CEP295NL: variants seen among roughly 807,000 people sequenced by gnomAD.
CEP295NL encodes the protein CEP295 N-terminal like.
In CEP295NL, 3 loss-of-function variants were observed where a neutral mutation model predicts 4.6. That is an observed-to-expected ratio of 0.65 (90% CI 0.30 to 1.69). The LOEUF is 1.69. Among genes scored for constraint, CEP295NL ranks in the 40% most tolerant of loss-of-function variants. The probability of loss-of-function intolerance (pLI) is 0.10; values close to 1 mark genes in which losing one functional copy is unlikely to be tolerated. For synonymous variants in CEP295NL, 295 were observed against 312.2 expected, an observed-to-expected ratio of 0.94 and a Z score of 0.58; for missense variants, 719 against 769.0, an observed-to-expected ratio of 0.93 and a Z score of 0.77.
At chr17:78,893,718 A>C (rs537389430) in intron 2 of CEP295NL, among the ~76,000 whole-genome samples, 17 of 152,118 alleles carry the variant, frequency 1.1e-4, no homozygotes, top group African/African-American at 3.9e-4. Context: ...ACCAGAGAGG[A>C]GGAGAAGCTG....
At chr17:78,892,599 C>T in intron 2 of CEP295NL, 140 bp from the exon 3 acceptor site, 1 of 1,287,834 alleles carries the variant, frequency 7.8e-7, no homozygotes, top group Non-Finnish European at 1.0e-6. Context: ...GACCCGTGCC[C>T]ACCAGGGCCC....
chr17:78,891,603 G>C lies in CEP295NL; in HGVS notation c.901C>G (p.Leu301Val), dbSNP rs2069895872. The change falls in exon 3 of 3, where the codon CTG (leucine) becomes GTG (valine). Residue 301 changes from leucine to valine, a missense_variant. Physicochemically the swap from Leu to Val is conservative, Grantham distance 32. Transcript: ENST00000322630. This position sits in a 1 kb window ranked among gnomAD's most constrained non-coding sequence, Gnocchi z 4.5. ...CCGAGGTCTCTCAGCTTCCCCTCCA[G>C]ACTCTGTCCCTGAGAGCGACTGGTC... ...ALTSRSQGQS[L>V]EGKLRDLGQL... 1 of 1,550,900 alleles carries C rather than the reference G, an allele frequency of 6.4e-7. No individual in the cohort carries two copies. Among genetic ancestry groups the C allele is most frequent in the Admixed American group, 2.0e-5 (1 of 51,008 alleles).
At chr17:78,897,024 T>C in intron 2 of CEP295NL, 2 of 985,122 alleles carry the variant, frequency 2.0e-6, no homozygotes, top group South Asian at 9.4e-5. Flanking sequence ...AGACAGCTTT[T>C]CAGCCAAGGC....
chr17:78,893,574 T>C (rs1037355509), intron 2 of CEP295NL, among the ~76,000 whole-genome samples: 1 of 151,576 alleles, frequency 6.6e-6, no homozygotes, highest in Admixed American at 6.6e-5. Flanking sequence ...TACAGGGGGG[T>C]GTACAGGTGT....
Position 78,896,316 on chromosome 17 carries a change from A to C in CEP295NL, c.45-3857T>G, listed in dbSNP as rs2069998999. ...GGAGAAACAGCCGTTCACCTGTTGC[A>C]CAGCCTGCTGGGATGCCTGCCTCTG... On this transcript the variant is annotated intron_variant, in intron 2 of 2. Transcript: ENST00000322630. The surrounding 1 kb of genome is among the most constrained non-coding windows in gnomAD (Gnocchi z 4.4). 6.6e-6 allele frequency among the ~76,000 whole-genome samples: 1 copy of C among 152,198 alleles called. No homozygotes were observed. Among genetic ancestry groups the C allele is most frequent in the African/African-American group, 2.4e-5 (1 of 41,450 alleles).
Position 78,894,193 on chromosome 17 carries a change from AC to A in CEP295NL, c.45-1735del, listed in dbSNP as rs148999240. ...TAATCCTTTGAGATACGAAGCTCCT[AC>A]CCCCCCCGGTTCACAGACAGGGAAA... is the stretch of plus-strand genomic sequence containing the variant. On this transcript the variant is annotated intron_variant, in intron 2 of 2. Coordinates refer to ENST00000322630, the MANE Select transcript of CEP295NL (RefSeq NM_001243540.2). 2.3e-4 allele frequency among the ~76,000 whole-genome samples: 35 copies of A among 149,788 alleles called. No homozygotes were observed. The Middle Eastern group carries it at 0.014, about 58-fold the overall frequency.
At position 78,896,981 on chromosome 17, in the gene CEP295NL, C is replaced by A; in HGVS notation, c.45-4522G>T. The stretch of plus-strand genomic sequence containing the variant: ...CTGGCCTACAGCTTGAGAATGACGT[C>A]CAAGCAGCTCGCCTTTCCCTGGGCG... On this transcript the variant is annotated intron_variant, in intron 2 of 2. Coordinates refer to ENST00000322630, the MANE Select transcript of CEP295NL (RefSeq NM_001243540.2). This position sits in a 1 kb window ranked among gnomAD's most constrained non-coding sequence, Gnocchi z 4.4. 3.0e-6 allele frequency: 3 copies of A among 985,434 alleles called. No individual in the cohort carries two copies. Among genetic ancestry groups the A allele is most frequent in the Non-Finnish European group, 3.6e-6 (3 of 829,932 alleles). The allele number at this position is 985,434 out of a possible 1,614,324, so 61.0% of individuals were successfully genotyped here.
At chr17:78,893,143 G>GTACATGTGTGTGCAGGGGTGTGTGTGCA (rs1304701986) in intron 2 of CEP295NL, among the ~76,000 whole-genome samples, 10 of 144,788 alleles carry the variant, frequency 6.9e-5, no homozygotes, top group Non-Finnish European at 7.6e-5. Flanking sequence ...GTGTGTGTGC[G>GTACATGTGTGTGCAGGGGTGTGTGTGCA]TACATGTGTG....
At chr17:78,893,042 G>A (rs1263285809) in intron 2 of CEP295NL, among the ~76,000 whole-genome samples, 1 of 152,208 alleles carries the variant, frequency 6.6e-6, no homozygotes, top group Non-Finnish European at 1.5e-5. Flanking sequence ...GGGCAGGGAG[G>A]AGCCTGCCAA....
intron 1 of CEP295NL, 143 bp from the exon 2 acceptor site, chr17:78,902,069 A>G (rs541259270): frequency 1.6e-5 from 8 of 493,778 alleles, no homozygotes; most frequent in East Asian, 6.7e-5. Flanking sequence ...CTTCTCCCCA[A>G]CTCTTAGCCA....
chr17:78,891,686 G>C lies in CEP295NL; in HGVS notation c.818C>G (p.Thr273Arg). ...CAGTTGCCTCCTCCCCGCCCGAGCT[G>C]TTCCTTTCTCTTTTTCCTCCACAAG... is the stretch of plus-strand genomic sequence containing the variant. The part of the protein sequence containing the change: ...IGLVEEKEKG[T>R]ARAGRRQLGK... Residue 273 changes from threonine (T) to arginine (R), a missense_variant, in exon 3 of 3, where the codon ACA becomes AGA. By Grantham distance (71) the Thr-to-Arg change is moderately conservative. Transcript: ENST00000322630. This position sits in a 1 kb window ranked among gnomAD's most constrained non-coding sequence, Gnocchi z 4.5. 6.4e-7 allele frequency: 1 copy of C among 1,551,106 alleles called. No homozygotes were observed. The highest frequency in any genetic ancestry group is 8.7e-7 in the Non-Finnish European group (1 of 1,147,114).
Position 78,892,411 on chromosome 17 carries a change from C to G in CEP295NL, c.93G>C (p.Ala31=). ...AGCCAAGAGTGGAGGGTTCAAGGGG[C>G]GCCCCCGGGCCTGAGGAGCCACAGA... The part of the protein sequence containing the change: ...CGFCGSSGPG[A]PLEPSTLGSK... Residue 31 remains alanine, a synonymous_variant, in exon 3 of 3, where the codon GCG becomes GCC. Transcript: ENST00000322630. 1 of 1,550,352 alleles carries G rather than the reference C, an allele frequency of 6.5e-7. No individual in the cohort carries two copies. The highest frequency in any genetic ancestry group is 8.7e-7 in the Non-Finnish European group (1 of 1,146,892).
chr17:78,891,942 G>A lies in CEP295NL; in HGVS notation c.562C>T (p.His188Tyr), dbSNP rs546192846. The change falls in exon 3 of 3, where the codon CAC becomes TAC. Residue 188 changes from histidine to tyrosine, a missense_variant. His to Tyr is a moderately conservative substitution (Grantham distance 83, BLOSUM62 2). Coordinates refer to ENST00000322630, the MANE Select transcript of CEP295NL (RefSeq NM_001243540.2). This position sits in a 1 kb window ranked among gnomAD's most constrained non-coding sequence, Gnocchi z 4.5. ...TTCCGGGGCCTGGAGTGCCTGGGGT[G>A]TTGCTGGCCCAACTCTTCCCTGCAA... is the stretch of plus-strand genomic sequence containing the variant. ...RSCREELGQQ[H>Y]PRHSRPRKTA... The A allele has an allele frequency of 1.1e-5, 17 of 1,550,586 alleles. No homozygotes were observed. Among genetic ancestry groups the A allele is most frequent in the Non-Finnish European group, 1.5e-5 (17 of 1,147,000 alleles).
Position 78,890,757 on chromosome 17 carries a change from C to T in CEP295NL, c.1747G>A (p.Asp583Asn), listed in dbSNP as rs1026644545. 5 of 1,550,620 alleles carry T rather than the reference C, an allele frequency of 3.2e-6. No homozygotes were observed. Among genetic ancestry groups the T allele is most frequent in the South Asian group, 1.2e-5 (1 of 84,050 alleles). ...TCTCGGATCATCTGACTGTGCCGGT[C>T]GTCGTCGGCGAGGCTGGTGCCCGAT... The part of the protein sequence containing the change: ...SPSGTSLADD[D>N]RHSQMIRDQQ... The change falls in exon 3 of 3, where the codon GAC (aspartate) becomes AAC (asparagine). Residue 583 changes from aspartate to asparagine, a missense_variant. Coordinates refer to ENST00000322630, the MANE Select transcript of CEP295NL (RefSeq NM_001243540.2).
At position 78,891,632 on chromosome 17, in the gene CEP295NL, G is replaced by A. The variant is rs1173771463; in HGVS notation, c.872C>T (p.Ala291Val). Reference sequence around the variant, plus strand: ...CTGTCCCTGAGAGCGACTGGTCAGGGCTGGAACAAAGCAAACTGCCCCCTT... The same window carrying A: ...CTGTCCCTGAGAGCGACTGGTCAGGACTGGAACAAAGCAAACTGCCCCCTT... ...LGKGAVCFVP[A>V]LTSRSQGQSL... The change falls in exon 3 of 3, where the codon GCC becomes GTC. Residue 291 changes from alanine to valine, a missense_variant. Physicochemically the swap from Ala to Val is moderately conservative, Grantham distance 64. Transcript: ENST00000322630. This position sits in a 1 kb window ranked among gnomAD's most constrained non-coding sequence, Gnocchi z 4.5. 1 of 1,550,908 alleles carries A rather than the reference G, an allele frequency of 6.4e-7. No homozygotes were observed. Among genetic ancestry groups the A allele is most frequent in the East Asian group, 2.4e-5 (1 of 40,920 alleles).
chr17:78,892,087 G>T lies in CEP295NL; in HGVS notation c.417C>A (p.Gly139=). The T allele has an allele frequency of 6.4e-7, 1 of 1,551,880 alleles. No homozygotes were observed. Among genetic ancestry groups the T allele is most frequent in the Non-Finnish European group, 8.7e-7 (1 of 1,147,864 alleles). The change falls in exon 3 of 3, where the codon GGC becomes GGA. Residue 139 remains glycine (G), a synonymous_variant. Coordinates refer to ENST00000322630, the MANE Select transcript of CEP295NL (RefSeq NM_001243540.2). The part of the protein sequence containing the change: ...LDRLQSARLL[G]WGGGRARENE... Reference sequence around the variant, plus strand: ...TTTCCCTGGCCCGTCCTCCTCCCCAGCCCAACAGACGTGCTGACTGCAGCC... The same window carrying T: ...TTTCCCTGGCCCGTCCTCCTCCCCATCCCAACAGACGTGCTGACTGCAGCC...
In CEP295NL at chr17:78,896,840, G is replaced by T; in HGVS notation, c.45-4381C>A. 1 of 813,686 alleles carries T rather than the reference G, an allele frequency of 1.2e-6. No homozygotes were observed. Among genetic ancestry groups the T allele is most frequent in the Non-Finnish European group, 1.5e-6 (1 of 673,148 alleles). 50.4% of individuals were successfully genotyped at this position (813,686 alleles called of 1,614,324 possible). On this transcript the variant is annotated intron_variant, in intron 2 of 2. Coordinates refer to ENST00000322630, the MANE Select transcript of CEP295NL (RefSeq NM_001243540.2). The surrounding 1 kb of genome is among the most constrained non-coding windows in gnomAD (Gnocchi z 4.4). ...TGCTCTCTACAGCCCCGTGGCCCCAGCGCAGGAGCCAGCCCATGGCAGCTC... is the reference window on the plus strand; with the variant it reads ...TGCTCTCTACAGCCCCGTGGCCCCATCGCAGGAGCCAGCCCATGGCAGCTC...
In CEP295NL at chr17:78,890,726, T is replaced by C. The variant is rs1379608822; in HGVS notation, c.1778A>G (p.Gln593Arg). 5 of 1,550,546 alleles carry C rather than the reference T, an allele frequency of 3.2e-6. No homozygotes were observed. The highest frequency in any genetic ancestry group is 4.4e-6 in the Non-Finnish European group (5 of 1,147,006). ...CCTGTTTTGCTGTAAGATCTGCTGCTGCTGGTCTCGGATCATCTGACTGTG... is the reference window on the plus strand; with the variant it reads ...CCTGTTTTGCTGTAAGATCTGCTGCCGCTGGTCTCGGATCATCTGACTGTG... Reference protein sequence around the residue: ...DRHSQMIRDQQQQILQQNRLH... With the variant: ...DRHSQMIRDQRQQILQQNRLH... Residue 593 changes from glutamine to arginine, a missense_variant, in exon 3 of 3, where the codon CAG becomes CGG. By Grantham distance (43) the Gln-to-Arg change is conservative. Transcript: ENST00000322630.
At chr17:78,898,939 T>G (rs2070045041) in intron 2 of CEP295NL, 1 of 152,258 alleles carries the variant, frequency 6.6e-6, no homozygotes, top group Admixed American at 6.5e-5. Flanking sequence ...GGTTTCACCA[T>G]GCCGGCCAGG....
Sources: allele counts gnomAD v4.1 joint callset (sites outside exome capture counted in the v4.1 genomes callset), GRCh38; gene constraint gnomAD v4.1.1; non-coding constraint Gnocchi (gnomAD v3.1); transcripts MANE v1.5; gene names NCBI Gene and HGNC (gene_info 2026-07-23, HGNC 2026-07-21).